The following RASA2 variants were observed in gnomAD, a reference collection of about 807,000 sequenced individuals.
RASA2 encodes RAS p21 protein activator 2.
Under a neutral mutation model 118.2 loss-of-function variants are expected in RASA2, and 155 were observed. That is an observed-to-expected ratio of 1.31 (90% CI 1.15 to 1.50). RASA2 has a LOEUF of 1.50. Ranked by LOEUF, RASA2 falls within the 40% of genes most tolerant of loss-of-function variation. RASA2 has a pLI of 0.00. For synonymous variants in RASA2, 353 were observed against 349.1 expected, an observed-to-expected ratio of 1.01 and a Z score of -0.12; for missense variants, 1,016 against 1,009.6, an observed-to-expected ratio of 1.01 and a Z score of -0.09.
intron 1 of RASA2, among the ~76,000 whole-genome samples, chr3:141,490,665 CAGA>C (rs1414368868): frequency 6.6e-6 from 1 of 152,100 alleles, no homozygotes; most frequent in African/African-American, 2.4e-5. Context: ...CTGGTGTCTT[CAGA>C]CCAAGAATAG....
At chr3:141,561,315 C>A (rs1207073195) in intron 9 of RASA2, among the ~76,000 whole-genome samples, 1 of 152,162 alleles carries the variant, frequency 6.6e-6, no homozygotes, top group African/African-American at 2.4e-5. Context: ...TGAAATGTGC[C>A]ACATAATCTG....
intron 23 of RASA2, among the ~76,000 whole-genome samples, chr3:141,610,636 G>A (rs2083635857): frequency 6.6e-6 from 1 of 150,612 alleles, no homozygotes; most frequent in African/African-American, 2.4e-5. Context: ...GACTACAAGT[G>A]TACACCACTG....
chr3:141,573,147 A>T lies in RASA2; in HGVS notation c.1285A>T (p.Ile429Leu), dbSNP rs1178142576. 1 of 1,553,654 alleles carries T rather than the reference A, an allele frequency of 6.4e-7. No individual in the cohort carries two copies. Among genetic ancestry groups the T allele is most frequent in the African/African-American group, 1.4e-5 (1 of 70,444 alleles). Reference protein sequence around the residue: ...KVTLKPILDEICDSSKSCEID... With the variant: ...KVTLKPILDELCDSSKSCEID... Reference sequence around the variant, plus strand: ...ATTAACTGAAAAATTTATTTTTCAGATATGTGACTCCTCAAAATCCTGTGA... The same window carrying T: ...ATTAACTGAAAAATTTATTTTTCAGTTATGTGACTCCTCAAAATCCTGTGA... Residue 429 changes from isoleucine (I) to leucine (L), a missense_variant and splice_region_variant, in exon 13 of 24, where the codon ATA becomes TTA. Ile to Leu is a conservative substitution (Grantham distance 5). Around this residue, in one of 2 missense-constraint regions of RASA2, gnomAD observed 896 missense variants for 836.4 expected, o/e 1.07. Coordinates refer to ENST00000286364, the MANE Select transcript of RASA2 (RefSeq NM_006506.5).
rs76775562 is a variant in RASA2, at chr3:141,552,527, G to T, written c.528-1330G>T. ...CAGTTGTGAGAATTAGGTGCATTTT[G>T]TGAAAGTGCATAGTAAACTGCAAAT... On this transcript the variant is annotated intron_variant, in intron 5 of 23. Transcript: ENST00000286364. 4.1e-3 allele frequency among the ~76,000 whole-genome samples: 625 copies of T among 152,250 alleles called. 4 individuals carry two copies. Among genetic ancestry groups the T allele is most frequent in the African/African-American group, 0.014 (588 of 41,542 alleles).
At chr3:141,506,412 T>C (rs1443822343) in intron 1 of RASA2, among the ~76,000 whole-genome samples, 1 of 152,262 alleles carries the variant, frequency 6.6e-6, no homozygotes, top group African/African-American at 2.4e-5. Flanking sequence ...GGATGAACTA[T>C]AAAAACATTT....
Position 141,561,059 on chromosome 3 carries a change from AT to A in RASA2, c.863+1065del, listed in dbSNP as rs1033371046. 5.1e-4 allele frequency among the ~76,000 whole-genome samples: 77 copies of A among 152,236 alleles called. 1 individual carries two copies. The highest frequency in any genetic ancestry group is 1.8e-3 in the African/African-American group (74 of 41,538). On this transcript the variant is annotated intron_variant, in intron 9 of 23. Transcript: ENST00000286364. ...TCTTTATGTTGGCATTTTGTGTATT[AT>A]AGTTTGTAAAATGCATCCACAGAGG...
intron 14 of RASA2, among the ~76,000 whole-genome samples, chr3:141,574,270 A>G (rs2082973145): frequency 6.6e-6 from 1 of 151,594 alleles, no homozygotes; most frequent in African/African-American, 2.4e-5. Flanking sequence ...GCTCACTGCA[A>G]CCTCCATCTC....
At chr3:141,518,123 G>T (rs1278389981) in intron 3 of RASA2, among the ~76,000 whole-genome samples, 1 of 151,738 alleles carries the variant, frequency 6.6e-6, no homozygotes, top group Non-Finnish European at 1.5e-5. Context: ...TTTCTTTTTA[G>T]TATCCTAAAT....
At chr3:141,559,791 A>G (rs926265989) in intron 8 of RASA2, 103 bp from the exon 9 acceptor site, 3 of 931,864 alleles carry the variant, frequency 3.2e-6, no homozygotes, top group Admixed American at 2.2e-5. Flanking sequence ...TAAGCATGTA[A>G]AATTAATGCT....
intron 19 of RASA2, among the ~76,000 whole-genome samples, chr3:141,595,433 A>G (rs1381609080): frequency 6.6e-6 from 1 of 152,202 alleles, no homozygotes; most frequent in African/African-American, 2.4e-5. Flanking sequence ...GTAAACAGTA[A>G]GCAGTAATCC....
intron 5 of RASA2, among the ~76,000 whole-genome samples, chr3:141,545,461 CTTT>C (rs35655653): frequency 3.5e-5 from 4 of 113,174 alleles, no homozygotes; most frequent in Non-Finnish European, 1.8e-5. Flanking sequence ...GTACTACATA[CTTT>C]TTTTTTTTTT....
chr3:141,589,080 C>T (rs1293478111), intron 19 of RASA2, among the ~76,000 whole-genome samples: 5 of 152,048 alleles, frequency 3.3e-5, no homozygotes, highest in African/African-American at 1.2e-4. Flanking sequence ...GACCTCGTGA[C>T]CTGCCCCCTC....
chr3:141,492,798 C>T (rs1488791616), intron 1 of RASA2, among the ~76,000 whole-genome samples: 1 of 152,142 alleles, frequency 6.6e-6, no homozygotes, highest in African/African-American at 2.4e-5. Context: ...CGTTTGAATT[C>T]TAAATTTTTT....
At chr3:141,547,604 T>A (rs917205360) in intron 5 of RASA2, among the ~76,000 whole-genome samples, 1 of 152,166 alleles carries the variant, frequency 6.6e-6, no homozygotes, top group Non-Finnish European at 1.5e-5. Flanking sequence ...TTTGGTGGAG[T>A]CTTTAGGTTT....
intron 1 of RASA2, 150 bp downstream of exon 1, chr3:141,487,366 G>A: frequency 1.1e-6 from 1 of 942,294 alleles, no homozygotes; most frequent in Non-Finnish European, 1.3e-6. Context: ...GGCTGGAAGG[G>A]GGTGTGTTGG....
At position 141,553,924 on chromosome 3, in the gene RASA2, C is replaced by T. The variant is rs766851273; in HGVS notation, c.595C>T (p.Leu199=). Reference sequence around the variant, plus strand: ...CTGTGACCCTTATGCAACAGTTTCTCTAGTGGGCCCTTCTAGGTAATATTT... The same window carrying T: ...CTGTGACCCTTATGCAACAGTTTCTTTAGTGGGCCCTTCTAGGTAATATTT... ...QSCDPYATVS[L]VGPSRNDQKK... The change falls in exon 6 of 24, where the codon CTA becomes TTA. Residue 199 remains leucine, a synonymous_variant. Transcript: ENST00000286364. 3.7e-6 allele frequency: 6 copies of T among 1,611,552 alleles called. No homozygotes were observed. The African/African-American group carries it at 5.3e-5, about 14-fold the overall frequency.
Position 141,494,627 on chromosome 3 carries a change from A to C in RASA2, c.133+7411A>C, listed in dbSNP as rs369809319. On this transcript the variant is annotated intron_variant, in intron 1 of 23. Transcript: ENST00000286364. ...CGTGATCTGCCTGCTTCAGCCTCCCAAAGTGCTGGGATTACAGCCGTGAAC... is the reference window on the plus strand; with the variant it reads ...CGTGATCTGCCTGCTTCAGCCTCCCCAAGTGCTGGGATTACAGCCGTGAAC... Among the ~76,000 whole-genome samples, 20 of 152,272 alleles carry C rather than the reference A, an allele frequency of 1.3e-4. No individual in the cohort carries two copies. The East Asian group carries it at 1.9e-3, about 15-fold the overall frequency.
chr3:141,538,100 AACACACACACAC>A (rs60054807), intron 4 of RASA2, among the ~76,000 whole-genome samples: 22 of 136,556 alleles, frequency 1.6e-4, no homozygotes, highest in African/African-American at 4.8e-4. Context: ...CAAAAAACAA[AACACACACACAC>A]ACACACACAC....
At chr3:141,522,227 TC>T (rs942328928) in intron 3 of RASA2, among the ~76,000 whole-genome samples, 1 of 152,158 alleles carries the variant, frequency 6.6e-6, no homozygotes, top group Admixed American at 6.5e-5. Flanking sequence ...TTTCAGTCTT[TC>T]TGATAGAATC....
Sources: allele counts gnomAD v4.1 joint callset (sites outside exome capture counted in the v4.1 genomes callset), GRCh38; gene constraint gnomAD v4.1.1; regional missense constraint gnomAD v4.1.1; transcripts MANE v1.5; gene names NCBI Gene and HGNC (gene_info 2026-07-23, HGNC 2026-07-21).